Variants in KIAA1217 observed in about 807,000 individuals in gnomAD.
The protein encoded by KIAA1217 is sickle tail protein homolog.
In KIAA1217, 88 loss-of-function variants were observed where a neutral mutation model predicts 163.9. The observed-to-expected ratio is 0.54, with a 90% CI of 0.45 to 0.64. The LOEUF (loss-of-function observed/expected upper bound fraction) is 0.64, where lower values mean the gene tolerates loss of function less well. Among genes scored for constraint, KIAA1217 ranks in the 30% least tolerant of loss-of-function variants. KIAA1217 has a pLI of 0.00. For synonymous variants in KIAA1217, 903 were observed against 923.1 expected, an observed-to-expected ratio of 0.98 and a Z score of 0.39; for missense variants, 2,372 against 2,475.0, an observed-to-expected ratio of 0.96 and a Z score of 0.88.
intron 3 of KIAA1217, among the ~76,000 whole-genome samples, chr10:24,418,656 A>C (rs1405583243): frequency 2.6e-5 from 4 of 152,208 alleles, no homozygotes; most frequent in Non-Finnish European, 2.9e-5. Context: ...TAAAGTCCAT[A>C]ATCTCTGCGC....
intron 2 of KIAA1217, among the ~76,000 whole-genome samples, chr10:24,060,755 T>A (rs747935111): frequency 2.2e-4 from 34 of 152,172 alleles, no homozygotes; most frequent in Non-Finnish European, 3.8e-4. Flanking sequence ...ATGATGGCAC[T>A]CCACATCTTT....
At chr10:24,317,006 TG>T (rs1453961485) in intron 2 of KIAA1217, among the ~76,000 whole-genome samples, 3 of 152,164 alleles carry the variant, frequency 2.0e-5, no homozygotes, top group Middle Eastern at 3.4e-3. Context: ...GCTGAGTGTG[TG>T]GGGGGCGCTG....
At chr10:24,524,102 A>G (rs1057208155) in intron 12 of KIAA1217, among the ~76,000 whole-genome samples, 5 of 152,132 alleles carry the variant, frequency 3.3e-5, no homozygotes, top group African/African-American at 1.2e-4. Context: ...TAGACTCATG[A>G]TTCATTTTCT....
intron 2 of KIAA1217, among the ~76,000 whole-genome samples, chr10:24,172,693 G>A (rs1337820251): frequency 2.0e-5 from 3 of 152,148 alleles, no homozygotes; most frequent in Non-Finnish European, 4.4e-5. Context: ...ACCTGTTGAA[G>A]ATCTGAAGGA....
intron 1 of KIAA1217, among the ~76,000 whole-genome samples, chr10:23,789,164 GT>G (rs1034549638): frequency 6.8e-6 from 1 of 146,098 alleles, no homozygotes; most frequent in African/African-American, 2.4e-5. Context: ...TTTTATTAAG[GT>G]TTTTTTGTAG....
At chr10:24,437,323 C>T (rs1169409476) in intron 4 of KIAA1217, among the ~76,000 whole-genome samples, 1 of 152,214 alleles carries the variant, frequency 6.6e-6, no homozygotes, top group Non-Finnish European at 1.5e-5. Context: ...ACCGTGCAAG[C>T]TTGGGCTAGT....
chr10:24,498,517 G>A (rs945243519), intron 8 of KIAA1217, among the ~76,000 whole-genome samples: 2 of 152,266 alleles, frequency 1.3e-5, no homozygotes, highest in Admixed American at 6.5e-5. Context: ...AGTGAGTATA[G>A]ATTCCATTAA....
intron 9 of KIAA1217, among the ~76,000 whole-genome samples, chr10:24,512,504 A>G (rs1316619460): frequency 6.6e-6 from 1 of 152,192 alleles, no homozygotes; most frequent in Non-Finnish European, 1.5e-5. Context: ...CTGGGATGAG[A>G]AACAAGAATG....
intron 2 of KIAA1217, among the ~76,000 whole-genome samples, chr10:24,285,308 A>G (rs765244402): frequency 2.6e-5 from 4 of 152,142 alleles, no homozygotes; most frequent in Non-Finnish European, 4.4e-5. Flanking sequence ...GCCTAGGCCA[A>G]TGTCTGAGGG....
chr10:23,998,739 C>T (rs1159692507), intron 1 of KIAA1217, among the ~76,000 whole-genome samples: 1 of 152,168 alleles, frequency 6.6e-6, no homozygotes, highest in Non-Finnish European at 1.5e-5. Flanking sequence ...TTCTCTGGCT[C>T]AACAGAGAAT....
At chr10:24,428,204 G>T (rs548182855) in intron 3 of KIAA1217, among the ~76,000 whole-genome samples, 3 of 152,184 alleles carry the variant, frequency 2.0e-5, no homozygotes, top group African/African-American at 7.2e-5. Flanking sequence ...CAGTGGCCTC[G>T]CCCAGGCATG....
intron 2 of KIAA1217, among the ~76,000 whole-genome samples, chr10:24,362,785 G>C (rs1013489034): frequency 1.3e-5 from 2 of 152,180 alleles, no homozygotes; most frequent in Non-Finnish European, 2.9e-5. Flanking sequence ...CAGATCACTT[G>C]AGGCCCGGAG....
At chr10:23,826,580 G>C (rs566681357) in intron 1 of KIAA1217, among the ~76,000 whole-genome samples, 1 of 152,266 alleles carries the variant, frequency 6.6e-6, no homozygotes, top group East Asian at 1.9e-4. Context: ...CTCCTCCTCA[G>C]AGATGCTCTT....
chr10:24,000,227 C>T (rs11013840), intron 1 of KIAA1217, among the ~76,000 whole-genome samples: 2,788 of 152,274 alleles, frequency 0.018, 53 homozygotes, highest in Non-Finnish European at 0.022. Flanking sequence ...ACCCAAATCT[C>T]ATCTTGAATT....
intron 2 of KIAA1217, among the ~76,000 whole-genome samples, chr10:24,169,811 G>T (rs1227719495): frequency 1.3e-5 from 2 of 152,128 alleles, no homozygotes; most frequent in East Asian, 3.9e-4. Context: ...CCCATATAAA[G>T]TGCCTCTGAC....
At chr10:23,972,326 A>C (rs1454711817) in intron 1 of KIAA1217, among the ~76,000 whole-genome samples, 2 of 152,252 alleles carry the variant, frequency 1.3e-5, no homozygotes, top group Admixed American at 1.3e-4. Flanking sequence ...TGTTTATTGC[A>C]GCACTATTTA....
At chr10:24,230,509 T>TG (rs1488162668) in intron 2 of KIAA1217, among the ~76,000 whole-genome samples, 20 of 138,562 alleles carry the variant, frequency 1.4e-4, no homozygotes, top group Non-Finnish European at 2.7e-4. Context: ...TTTGTTTTTT[T>TG]TTTTTTTTTT....
At chr10:24,017,023 GGTTA>G (rs978767283) in intron 2 of KIAA1217, among the ~76,000 whole-genome samples, 12 of 148,112 alleles carry the variant, frequency 8.1e-5, no homozygotes, top group Admixed American at 6.1e-4. Context: ...TTGTTTCGTT[GGTTA>G]GTTAGTTTTT....
At chr10:23,764,835 A>G (rs760655814) in intron 1 of KIAA1217, among the ~76,000 whole-genome samples, 1 of 152,144 alleles carries the variant, frequency 6.6e-6, no homozygotes, top group South Asian at 2.1e-4. Flanking sequence ...GGATGGGTCA[A>G]TAGGTGCAGC....
Sources: allele counts gnomAD v4.1 joint callset (sites outside exome capture counted in the v4.1 genomes callset), GRCh38; gene constraint gnomAD v4.1.1; transcripts MANE v1.5; gene names NCBI Gene and HGNC (gene_info 2026-07-23, HGNC 2026-07-21).